NWD1: variants seen among roughly 807,000 people sequenced by gnomAD.
NWD1 encodes NACHT domain- and WD repeat-containing protein 1.
In NWD1, 129 loss-of-function variants were observed where a neutral mutation model predicts 135.1. The ratio of observed to expected loss-of-function variants is 0.96; its 90% CI spans 0.83 to 1.11. The LOEUF (loss-of-function observed/expected upper bound fraction) is 1.11, where lower values mean the gene tolerates loss of function less well. NWD1 is among the 50% of genes least tolerant of loss of function. The pLI, the probability that NWD1 is intolerant of heterozygous loss-of-function variation, is 0.00. For missense variants in NWD1, 1,740 were observed against 1,851.3 expected, an observed-to-expected ratio of 0.94 and a Z score of 1.10; for synonymous variants, 773 against 786.0, an observed-to-expected ratio of 0.98 and a Z score of 0.28.
chr19:16,754,950 C>T (rs564650609), intron 6 of NWD1, among the ~76,000 whole-genome samples: 7 of 152,268 alleles, frequency 4.6e-5, no homozygotes, highest in Middle Eastern at 6.8e-3. Flanking sequence ...TATGTCCCAT[C>T]GATAAATATG....
Position 16,791,482 on chromosome 19 carries a change from A to G in NWD1, c.3073A>G (p.Ser1025Gly), listed in dbSNP as rs771539822. ...GACAGTGTCCAGGGATGGTGTGGTC[A>G]GTCTGTGGAGCTCAGCTACGGGAAA... ...LLTVSRDGVVSLWSSATGKLQ... is the reference protein window; with the variant it reads ...LLTVSRDGVVGLWSSATGKLQ... The change falls in exon 14 of 19, where the codon AGT becomes GGT. Residue 1025 changes from serine (S) to glycine (G), a missense_variant. Coordinates refer to ENST00000524140, the MANE Select transcript of NWD1 (RefSeq NM_001007525.5). 1.2e-6 allele frequency: 2 copies of G among 1,614,168 alleles called. No individual in the cohort carries two copies. Among genetic ancestry groups the G allele is most frequent in the Non-Finnish European group, 1.7e-6 (2 of 1,180,024 alleles).
chr19:16,749,546 C>T lies in NWD1; in HGVS notation c.904C>T (p.Leu302Phe). The T allele has an allele frequency of 4.3e-6, 7 of 1,613,112 alleles. No homozygotes were observed. Among genetic ancestry groups the T allele is most frequent in the Non-Finnish European group, 5.1e-6 (6 of 1,179,162 alleles). Reference protein sequence around the residue: ...AWLYQEIRHHLWQSSEVIQTF... With the variant: ...AWLYQEIRHHFWQSSEVIQTF... ...GCTCTACCAAGAGATCCGCCACCAC[C>T]TTTGGCAGAGCTCGGAGGTCATTCA... Residue 302 changes from leucine to phenylalanine, a missense_variant, in exon 6 of 19, where the codon CTT (leucine) becomes TTT (phenylalanine). Coordinates refer to ENST00000524140, the MANE Select transcript of NWD1 (RefSeq NM_001007525.5).
In NWD1 at chr19:16,749,960, G is replaced by T; in HGVS notation, c.1318G>T (p.Asp440Tyr). The change falls in exon 6 of 19, where the codon GAT becomes TAT. Residue 440 changes from aspartate (D) to tyrosine (Y), a missense_variant. Coordinates refer to ENST00000524140, the MANE Select transcript of NWD1 (RefSeq NM_001007525.5). ...TCTCGTGCTCCTGCTGGATGCTATG[G>T]ATGACCTGGACTCTGTCCGCCATGC... The part of the protein sequence containing the change: ...ESLVLLLDAM[D>Y]DLDSVRHARR... The T allele has an allele frequency of 6.2e-7, 1 of 1,613,810 alleles. No homozygotes were observed. The highest frequency in any genetic ancestry group is 8.5e-7 in the Non-Finnish European group (1 of 1,180,028).
In NWD1 at chr19:16,744,514, C is replaced by T; in HGVS notation, c.292C>T (p.Pro98Ser). Residue 98 changes from proline to serine, a missense_variant, in exon 5 of 19, where the codon CCA becomes TCA. By Grantham distance (74) the Pro-to-Ser change is moderately conservative. Coordinates refer to ENST00000524140, the MANE Select transcript of NWD1 (RefSeq NM_001007525.5). ...ATTGAGGGACCATCTGACTGCCAGG[C>T]CAAGTGACCTGGAGCTGGTGGCACG... ...EVLRDHLTAR[P>S]SDLELVARYF... 1 of 1,535,588 alleles carries T rather than the reference C, an allele frequency of 6.5e-7. No homozygotes were observed. The highest frequency in any genetic ancestry group is 8.7e-7 in the Non-Finnish European group (1 of 1,146,470).
chr19:16,763,861 G>T lies in NWD1; in HGVS notation c.2167G>T (p.Val723Phe), dbSNP rs141835953. 1.4e-3 allele frequency: 2,230 copies of T among 1,614,004 alleles called. 35 individuals are homozygous for T. In the African/African-American group the frequency reaches 0.026, roughly 19 times the overall value. ...GCAGCCTCTGTGGTTCTCACATACG[G>T]TTGCAAACCTGCGGAAGCTGAAGGA... is the stretch of plus-strand genomic sequence containing the variant. Reference protein sequence around the residue: ...APQPLWFSHTVANLRKLKELP... With the variant: ...APQPLWFSHTFANLRKLKELP... Residue 723 changes from valine (V) to phenylalanine (F), a missense_variant, in exon 9 of 19, where the codon GTT becomes TTT. By Grantham distance (50) the Val-to-Phe change is conservative. Coordinates refer to ENST00000524140, the MANE Select transcript of NWD1 (RefSeq NM_001007525.5).
At chr19:16,798,373 G>A (rs1045614032) in intron 16 of NWD1, among the ~76,000 whole-genome samples, 15 of 152,116 alleles carry the variant, frequency 9.9e-5, no homozygotes, top group Admixed American at 2.6e-4. Context: ...ACTTTGGAAG[G>A]CCAAGGCAGG....
chr19:16,808,265 C>T (rs1970818424), intron 18 of NWD1, 129 bp downstream of exon 18: 6 of 835,006 alleles, frequency 7.2e-6, no homozygotes, highest in Admixed American at 2.5e-5. Flanking sequence ...AAATGAGGCA[C>T]TTGGTCAGGC....
At chr19:16,771,656 A>C (rs1236931753) in intron 10 of NWD1, among the ~76,000 whole-genome samples, 1 of 152,136 alleles carries the variant, frequency 6.6e-6, no homozygotes, top group East Asian at 1.9e-4. Flanking sequence ...AGTTCCCTGC[A>C]AAGCCCCTTG....
At chr19:16,759,003 C>CAAAAAA (rs58283462) in intron 6 of NWD1, among the ~76,000 whole-genome samples, 1 of 74,928 alleles carries the variant, frequency 1.3e-5, no homozygotes, top group Non-Finnish European at 2.5e-5. Context: ...AACTCTGTCT[C>CAAAAAA]AAAAAAAAAA....
intron 12 of NWD1, among the ~76,000 whole-genome samples, chr19:16,787,908 ATCATCATCATC>A (rs1568380827): frequency 0.016 from 1,705 of 103,974 alleles, 23 homozygotes; most frequent in South Asian, 0.06. Context: ...AATAATAATC[ATCATCATCATC>A]ATCATCATCA....
At chr19:16,770,239 G>A (rs894002770) in intron 10 of NWD1, among the ~76,000 whole-genome samples, 1 of 152,120 alleles carries the variant, frequency 6.6e-6, no homozygotes, top group Non-Finnish European at 1.5e-5. Flanking sequence ...GAATCATGGA[G>A]GTGTTTTCCT....
intron 14 of NWD1, among the ~76,000 whole-genome samples, chr19:16,791,898 G>A (rs1286544389): frequency 3.9e-5 from 6 of 152,144 alleles, no homozygotes; most frequent in African/African-American, 1.4e-4. Context: ...GTTTTTAGTA[G>A]AGACAGGGTT....
chr19:16,789,388 G>T (rs946511246), intron 13 of NWD1, among the ~76,000 whole-genome samples, 198 bp downstream of exon 13: 1 of 152,114 alleles, frequency 6.6e-6, no homozygotes, highest in Non-Finnish European at 1.5e-5. Flanking sequence ...AATTCTTTCT[G>T]ACCCCAAGAT....
chr19:16,784,108 A>G (rs1969956760), intron 12 of NWD1, among the ~76,000 whole-genome samples: 1 of 151,668 alleles, frequency 6.6e-6, no homozygotes, highest in South Asian at 2.1e-4. Context: ...GGGAGACCGA[A>G]GCAGGAAGAT....
intron 10 of NWD1, among the ~76,000 whole-genome samples, chr19:16,766,543 T>G (rs1969229932): frequency 7.1e-6 from 1 of 139,932 alleles, no homozygotes; most frequent in Admixed American, 6.7e-5. Flanking sequence ...GCCATGAGGA[T>G]GTTCTGTTTG....
intron 14 of NWD1, among the ~76,000 whole-genome samples, chr19:16,793,467 T>C (rs542718094): frequency 3.0e-4 from 46 of 152,222 alleles, no homozygotes; most frequent in African/African-American, 1.1e-3. Context: ...TTCAAACTTA[T>C]GGGCTCATTC....
At chr19:16,762,447 C>T (rs1315881921) in intron 8 of NWD1, among the ~76,000 whole-genome samples, 21 of 151,932 alleles carry the variant, frequency 1.4e-4, no homozygotes, top group Admixed American at 1.3e-3. Flanking sequence ...CAGGCACCCG[C>T]CACCATGCCT....
chr19:16,749,852 GC>G lies in NWD1; in HGVS notation c.1213del (p.Gln405ArgfsTer88). 2 of 1,612,814 alleles carry G rather than the reference GC, an allele frequency of 1.2e-6. No individual in the cohort carries two copies. The highest frequency in any genetic ancestry group is 1.7e-6 in the Non-Finnish European group (2 of 1,179,634). On this transcript the variant is annotated frameshift_variant, in exon 6 of 19. Transcript: ENST00000524140. LOFTEE classifies it high-confidence loss of function. Reference protein sequence around the residue: ...CLAYGLPLPPAQVLDAHTRVV... With the variant: ...CLAYGLPLPPXQVLDAHTRVV... ...GGCCTATGGGCTGCCCTTGCCCCCT[GC>G]CCAGGTTCTGGACGCCCACACCAGG...
intron 5 of NWD1, among the ~76,000 whole-genome samples, chr19:16,747,608 A>G (rs1230924243): frequency 1.3e-5 from 2 of 151,800 alleles, no homozygotes; most frequent in Non-Finnish European, 2.9e-5. Context: ...CCTGAGCTCA[A>G]GTGATCGTCC....
Sources: allele counts gnomAD v4.1 joint callset (sites outside exome capture counted in the v4.1 genomes callset), GRCh38; gene constraint gnomAD v4.1.1; transcripts MANE v1.5; gene names NCBI Gene and HGNC (gene_info 2026-07-23, HGNC 2026-07-21).